Variants in CALD1 observed in about 807,000 individuals in gnomAD.
CALD1 encodes caldesmon.
A neutral mutation model predicts 99.9 loss-of-function variants in CALD1; 33 were observed. That is an observed-to-expected ratio of 0.33 (90% CI 0.25 to 0.44). The LOEUF (loss-of-function observed/expected upper bound fraction) is 0.44. Ranked by LOEUF, CALD1 falls within the 20% of genes least tolerant of loss-of-function variation. The pLI, the probability that CALD1 is intolerant of heterozygous loss-of-function variation, is 1.00. For missense variants in CALD1, 861 were observed against 962.1 expected (o/e 0.89, Z 1.39); for synonymous variants, 310 against 325.0 (o/e 0.95, Z 0.50).
rs545302704 is a variant in CALD1, at chr7:134,958,989, T to C, written c.2061+699T>C. Among the ~76,000 whole-genome samples the C allele has an allele frequency of 4.0e-5, 6 of 149,660 alleles. 1 individual carries two copies. In the South Asian group the frequency reaches 1.3e-3, roughly 32 times the overall value. On this transcript the variant is annotated intron_variant, in intron 11 of 14. Transcript: ENST00000361675. ...TAAATGTCACTTCCTCAGAGTAGCCTTCTTTGCACCCCCAAACTAAGTACT... is the reference window on the plus strand; with the variant it reads ...TAAATGTCACTTCCTCAGAGTAGCCCTCTTTGCACCCCCAAACTAAGTACT...
chr7:134,892,967 G>A (rs972307965), intron 3 of CALD1, among the ~76,000 whole-genome samples: 3 of 150,472 alleles, frequency 2.0e-5, no homozygotes, highest in African/African-American at 7.4e-5. Flanking sequence ...CTCATTGAAA[G>A]CCTTCATTTC....
chr7:134,719,010 A>G, the CALD1 span, among the ~76,000 whole-genome samples: 1 of 152,232 alleles, frequency 6.6e-6, no homozygotes, highest in Non-Finnish European at 1.5e-5. Context: ...TACACTATAG[A>G]GTATTATCTC....
intron 3 of CALD1, among the ~76,000 whole-genome samples, chr7:134,915,416 C>A (rs2132743934): frequency 6.6e-6 from 1 of 152,322 alleles, no homozygotes; most frequent in Non-Finnish European, 1.5e-5. Flanking sequence ...ACCACTGAAG[C>A]AGTTCCTCCT....
chr7:134,712,824 C>A, the CALD1 span, among the ~76,000 whole-genome samples: 1 of 152,152 alleles, frequency 6.6e-6, no homozygotes, highest in Admixed American at 6.5e-5. Flanking sequence ...TCAGGCGTGC[C>A]TTCGAGTGGG....
At chr7:134,897,082 T>G (rs566141953) in intron 3 of CALD1, among the ~76,000 whole-genome samples, 1 of 152,212 alleles carries the variant, frequency 6.6e-6, no homozygotes, top group African/African-American at 2.4e-5. Flanking sequence ...CCAAGCCTAA[T>G]TGAATTTTTA....
Position 134,960,118 on chromosome 7 carries a change from A to C in CALD1, c.2199+7A>C. The C allele has an allele frequency of 6.2e-7, 1 of 1,613,966 alleles. No homozygotes were observed. The highest frequency in any genetic ancestry group is 8.5e-7 in the Non-Finnish European group (1 of 1,179,974). Reference sequence around the variant, plus strand: ...AGCAGGCACACCAAATAAGGTGAGCATCTGATTTTTGTCTCTTAAGTGTAG... The same window carrying C: ...AGCAGGCACACCAAATAAGGTGAGCCTCTGATTTTTGTCTCTTAAGTGTAG... On this transcript the variant is annotated splice_region_variant and intron_variant, in intron 12 of 14. Coordinates refer to ENST00000361675, the MANE Select transcript of CALD1 (RefSeq NM_033138.4).
chr7:134,912,053 C>G (rs191687869), intron 3 of CALD1, among the ~76,000 whole-genome samples: 5 of 151,946 alleles, frequency 3.3e-5, no homozygotes, highest in Admixed American at 2.0e-4. Flanking sequence ...GAAAGAACCA[C>G]TTAAGTGTAA....
At chr7:134,730,252 C>T in the CALD1 span, among the ~76,000 whole-genome samples, 2 of 140,878 alleles carry the variant, frequency 1.4e-5, no homozygotes, top group African/African-American at 5.1e-5. Flanking sequence ...TTTCTCACAA[C>T]ATTCACAGCG....
At chr7:134,821,559 T>G (rs1380705871) in intron 1 of CALD1, among the ~76,000 whole-genome samples, 4 of 151,358 alleles carry the variant, frequency 2.6e-5, no homozygotes, top group Non-Finnish European at 5.9e-5. Flanking sequence ...TTTTTTGGGG[T>G]TAACTTTTTA....
chr7:134,923,402 A>G lies in CALD1; in HGVS notation c.72-5352A>G, dbSNP rs1389513768. ...GCATTTGATTTAAACTCTATTAAAC[A>G]AAATTCAATAATTCTCAGATGATTC... On this transcript the variant is annotated intron_variant, in intron 3 of 14. Coordinates refer to ENST00000361675, the MANE Select transcript of CALD1 (RefSeq NM_033138.4). 2.0e-5 allele frequency among the ~76,000 whole-genome samples: 3 copies of G among 152,374 alleles called. No individual in the cohort carries two copies. In the South Asian group the frequency reaches 6.2e-4, roughly 32 times the overall value.
At chr7:134,889,765 A>G (rs752236173) in intron 3 of CALD1, among the ~76,000 whole-genome samples, 5 of 152,218 alleles carry the variant, frequency 3.3e-5, no homozygotes, top group Non-Finnish European at 7.3e-5. Context: ...CTTATGTGCT[A>G]CTTTCATCAA....
At chr7:134,792,207 C>T (rs1797563000) in intron 1 of CALD1, among the ~76,000 whole-genome samples, 1 of 151,794 alleles carries the variant, frequency 6.6e-6, no homozygotes, top group Non-Finnish European at 1.5e-5. Context: ...CCAGCCCTCT[C>T]TGTTTCACTT....
At chr7:134,739,706 G>T (rs1429689711), upstream of CALD1, among the ~76,000 whole-genome samples, 1 of 152,058 alleles carries the variant, frequency 6.6e-6, no homozygotes, top group Non-Finnish European at 1.5e-5. Flanking sequence ...TTTCCTTAAT[G>T]ACACATGGAA....
At chr7:134,889,841 G>C (rs1445191445) in intron 3 of CALD1, among the ~76,000 whole-genome samples, 1 of 152,158 alleles carries the variant, frequency 6.6e-6, no homozygotes, top group East Asian at 1.9e-4. Flanking sequence ...ATGATATATA[G>C]AGATAATTAA....
At chr7:134,745,648 T>C (rs1046465056) in intron 1 of CALD1, 2 of 152,224 alleles carry the variant, frequency 1.3e-5, no homozygotes, top group Non-Finnish European at 2.9e-5. Flanking sequence ...GCCGTTCAGC[T>C]CTCACCTCAT....
intron 1 of CALD1, among the ~76,000 whole-genome samples, chr7:134,800,940 G>A (rs1312998968): frequency 6.6e-6 from 1 of 151,922 alleles, no homozygotes; most frequent in Non-Finnish European, 1.5e-5. Flanking sequence ...CCTATGTAAT[G>A]TATTTATTGT....
At chr7:134,950,561 G>T (rs371858894) in intron 9 of CALD1, 47 bp downstream of exon 9, 1 of 1,489,506 alleles carries the variant, frequency 6.7e-7, no homozygotes, top group Non-Finnish European at 9.3e-7. Flanking sequence ...ATAGAGACTG[G>T]ATTTTAGCCC....
chr7:134,816,621 T>G (rs950730447), intron 1 of CALD1, among the ~76,000 whole-genome samples: 3 of 152,126 alleles, frequency 2.0e-5, no homozygotes, highest in African/African-American at 4.8e-5. Flanking sequence ...TTTGGAAGAT[T>G]TATGCTTATG....
intron 1 of CALD1, among the ~76,000 whole-genome samples, chr7:134,749,045 C>T (rs910069056): frequency 6.6e-6 from 1 of 152,172 alleles, no homozygotes; most frequent in South Asian, 2.1e-4. Flanking sequence ...TTCCCGACTT[C>T]GGGAGCTGTG....
Sources: gnomAD v4.1 joint callset for allele counts (sites outside exome capture counted in the v4.1 genomes callset) on GRCh38, gnomAD v4.1.1 for gene constraint, MANE v1.5 for transcripts, NCBI Gene and HGNC (gene_info 2026-07-23, HGNC 2026-07-21) for gene names.